WWOX: variants seen among roughly 807,000 people sequenced by gnomAD.
WWOX encodes the protein WW domain containing oxidoreductase, also known as WW domain-containing oxidoreductase.
Under a neutral mutation model 46.2 loss-of-function variants are expected in WWOX, and 69 were observed. The observed-to-expected ratio is 1.49, with a 90% CI of 1.23 to 1.82. The LOEUF is 1.82. Among genes scored for constraint, WWOX ranks in the 40% most tolerant of loss-of-function variants. The probability of loss-of-function intolerance (pLI) is 0.00; values close to 1 mark genes in which losing one functional copy is unlikely to be tolerated. For synonymous variants in WWOX, 359 were observed against 202.6 expected (o/e 1.77, Z -6.56); for missense variants, 919 against 542.6 (o/e 1.69, Z -6.89).
chr16:78,592,281 A>T (rs1157594084), intron 8 of WWOX, among the ~76,000 whole-genome samples: 1 of 152,194 alleles, frequency 6.6e-6, no homozygotes, highest in East Asian at 1.9e-4. Flanking sequence ...ACTAAATAGG[A>T]CATATGTGTC....
intron 8 of WWOX, among the ~76,000 whole-genome samples, chr16:79,026,878 C>G (rs2047655117): frequency 6.6e-6 from 1 of 151,004 alleles, no homozygotes; most frequent in Admixed American, 6.6e-5. Flanking sequence ...ATCTGCCCAC[C>G]TCAGCCTCCC....
chr16:78,803,237 T>G (rs1057226165), intron 8 of WWOX, among the ~76,000 whole-genome samples: 2 of 149,902 alleles, frequency 1.3e-5, no homozygotes, highest in African/African-American at 5.0e-5. Context: ...TATGAAGAAG[T>G]GAGAGTTTTT....
intron 8 of WWOX, among the ~76,000 whole-genome samples, chr16:79,026,601 C>T (rs1261696676): frequency 3.3e-4 from 49 of 146,468 alleles, no homozygotes; most frequent in Admixed American, 3.2e-3. Flanking sequence ...CAGAGCCTGG[C>T]ATGTGGTAGA....
intron 5 of WWOX, among the ~76,000 whole-genome samples, chr16:78,205,073 T>A (rs2036349643): frequency 6.6e-6 from 1 of 152,216 alleles, no homozygotes; most frequent in Admixed American, 6.5e-5. Flanking sequence ...AAATCAGTTC[T>A]GACATCTAGA....
At chr16:79,030,292 T>A (rs1237514614) in intron 8 of WWOX, among the ~76,000 whole-genome samples, 1 of 152,258 alleles carries the variant, frequency 6.6e-6, no homozygotes, top group Non-Finnish European at 1.5e-5. Flanking sequence ...ACTTCTTCAT[T>A]AGGGTTTCTC....
intron 8 of WWOX, among the ~76,000 whole-genome samples, chr16:79,002,995 C>G (rs2047123229): frequency 6.6e-6 from 1 of 152,196 alleles, no homozygotes; most frequent in South Asian, 2.1e-4. Context: ...TAAAAACTTC[C>G]TGGTGAATGC....
chr16:78,583,712 G>C (rs1413811504), intron 8 of WWOX, among the ~76,000 whole-genome samples: 1 of 152,218 alleles, frequency 6.6e-6, no homozygotes, highest in South Asian at 2.1e-4. Flanking sequence ...CCCGTGCCCT[G>C]ATGTGGAGTT....
At chr16:78,975,205 C>T (rs574636983) in intron 8 of WWOX, among the ~76,000 whole-genome samples, 92 of 152,324 alleles carry the variant, frequency 6.0e-4, no homozygotes, top group Non-Finnish European at 1.1e-3. Flanking sequence ...TACGAATTAG[C>T]CTCATCTGGT....
intron 8 of WWOX, among the ~76,000 whole-genome samples, chr16:78,943,711 G>C (rs2045896731): frequency 6.6e-6 from 1 of 152,288 alleles, no homozygotes; most frequent in Admixed American, 6.5e-5. Context: ...GCAGGGATGG[G>C]ACCAGCAGTA....
chr16:79,141,529 C>T (rs1249298505), intron 8 of WWOX, among the ~76,000 whole-genome samples: 1 of 152,242 alleles, frequency 6.6e-6, no homozygotes, highest in Non-Finnish European at 1.5e-5. Flanking sequence ...TTTCAAGTCT[C>T]ATTTTAATCG....
intron 8 of WWOX, among the ~76,000 whole-genome samples, chr16:79,164,401 C>T (rs1025859391): frequency 6.6e-6 from 1 of 152,060 alleles, no homozygotes; most frequent in Non-Finnish European, 1.5e-5. Flanking sequence ...ATTTTTTCCC[C>T]GACAGGCTGC....
chr16:78,517,788 G>A (rs1325907940), intron 8 of WWOX, among the ~76,000 whole-genome samples: 1 of 149,326 alleles, frequency 6.7e-6, no homozygotes, highest in African/African-American at 2.5e-5. Flanking sequence ...ATTTCCTTCT[G>A]GATTAAGAGT....
At chr16:78,680,276 G>A (rs1283481815) in intron 8 of WWOX, among the ~76,000 whole-genome samples, 3 of 152,130 alleles carry the variant, frequency 2.0e-5, no homozygotes, top group African/African-American at 7.2e-5. Context: ...AGGTGTGGTG[G>A]CATGCATCTG....
intron 8 of WWOX, among the ~76,000 whole-genome samples, chr16:78,567,430 G>A (rs2044597674): frequency 6.6e-6 from 1 of 151,444 alleles, no homozygotes; most frequent in African/African-American, 2.4e-5. Flanking sequence ...GCGGGTGCCT[G>A]TAGTCCCAGC....
intron 8 of WWOX, among the ~76,000 whole-genome samples, chr16:78,810,095 C>G (rs951185850): frequency 6.6e-6 from 1 of 152,232 alleles, no homozygotes; most frequent in Non-Finnish European, 1.5e-5. Context: ...CAGACCTAAA[C>G]CAGTGAATTA....
intron 8 of WWOX, among the ~76,000 whole-genome samples, chr16:79,109,105 T>A (rs1461510453): frequency 6.6e-6 from 1 of 151,994 alleles, no homozygotes; most frequent in Non-Finnish European, 1.5e-5. Context: ...TCCCAGGTAC[T>A]CCAGAGCTCT....
intron 8 of WWOX, chr16:79,106,802 TTTC>T (rs2049318572): frequency 6.7e-6 from 1 of 149,190 alleles, no homozygotes; most frequent in African/African-American, 2.5e-5. Context: ...TTTAACTTTT[TTTC>T]TTTTTTTTTT....
chr16:78,479,171 C>T (rs1187103863), intron 8 of WWOX, among the ~76,000 whole-genome samples: 2 of 152,150 alleles, frequency 1.3e-5, no homozygotes, highest in African/African-American at 4.8e-5. Flanking sequence ...TGTTTTCTTT[C>T]TGTTTGGATT....
intron 5 of WWOX, chr16:78,355,785 T>G: frequency 2.8e-6 from 2 of 713,664 alleles, no homozygotes; most frequent in Non-Finnish European, 4.9e-6. Context: ...GTGTTCTTTC[T>G]CCGGGGAGAT....
Sources: gnomAD v4.1 joint callset for allele counts (sites outside exome capture counted in the v4.1 genomes callset) on GRCh38, gnomAD v4.1.1 for gene constraint, MANE v1.5 for transcripts, NCBI Gene and HGNC (gene_info 2026-07-23, HGNC 2026-07-21) for gene names.